The following IDO2 variants were observed in gnomAD, a reference collection of about 807,000 sequenced individuals.
IDO2 encodes indoleamine 2,3-dioxygenase 2.
In IDO2, 46 loss-of-function variants were observed where a neutral mutation model predicts 45.1. That is an observed-to-expected ratio of 1.02 (90% confidence interval 0.80 to 1.30). The LOEUF (loss-of-function observed/expected upper bound fraction) is 1.30. Among genes scored for constraint, IDO2 ranks in the 50% most tolerant of loss-of-function variants. The pLI is 0.00. For synonymous variants in IDO2, 218 were observed against 184.9 expected (o/e 1.18, Z -1.45); for missense variants, 544 against 491.8 (o/e 1.11, Z -1.00).
intron 1 of IDO2, among the ~76,000 whole-genome samples, chr8:39,948,376 T>C (rs1415241611): frequency 6.6e-6 from 1 of 152,228 alleles, no homozygotes; most frequent in Non-Finnish European, 1.5e-5. Flanking sequence ...ATGTAACTTC[T>C]AATTTTGAAG....
chr8:39,987,615 G>T, intron 6 of IDO2: 1 of 361,124 alleles, frequency 2.8e-6, no homozygotes, highest in Non-Finnish European at 5.0e-6. Flanking sequence ...CTGCGGAGAT[G>T]GTCCAGGACC....
In IDO2 at chr8:39,967,847, A is replaced by G. The variant is rs1043434517; in HGVS notation, c.195+4144A>G. ...TTTTTAAAAATCTGGCCATATCAAAATACTGAAGAGGACGTATAGCAATAG... is the reference window on the plus strand; with the variant it reads ...TTTTTAAAAATCTGGCCATATCAAAGTACTGAAGAGGACGTATAGCAATAG... On this transcript the variant is annotated intron_variant, in intron 3 of 10. Transcript: ENST00000502986. Among the ~76,000 whole-genome samples the G allele has an allele frequency of 6.6e-5, 10 of 152,250 alleles. 1 individual carries two copies. The highest frequency in any genetic ancestry group is 2.4e-4 in the African/African-American group (10 of 41,468).
chr8:39,971,910 GCAAGTCTC>G (rs949587171), intron 3 of IDO2, among the ~76,000 whole-genome samples: 6 of 152,042 alleles, frequency 3.9e-5, no homozygotes, highest in Non-Finnish European at 5.9e-5. Flanking sequence ...CCTGGTTCAA[GCAAGTCTC>G]CTGCCTCAGC....
At chr8:39,957,417 GC>G (rs1223938398) in intron 2 of IDO2, among the ~76,000 whole-genome samples, 1 of 152,062 alleles carries the variant, frequency 6.6e-6, no homozygotes, top group Non-Finnish European at 1.5e-5. Flanking sequence ...TTTGAGACCA[GC>G]CTGGGCAACA....
intron 7 of IDO2, among the ~76,000 whole-genome samples, chr8:39,989,158 G>A (rs1392504117): frequency 6.6e-6 from 1 of 152,148 alleles, no homozygotes; most frequent in Non-Finnish European, 1.5e-5. Context: ...CGAGGCAGCA[G>A]GAGAGAGAGC....
At chr8:39,990,737 C>T (rs1808486645) in intron 8 of IDO2, among the ~76,000 whole-genome samples, 1 of 152,200 alleles carries the variant, frequency 6.6e-6, no homozygotes, top group Admixed American at 6.5e-5. Context: ...ATTGCAATGC[C>T]CTATTCCAGA....
intron 1 of IDO2, among the ~76,000 whole-genome samples, chr8:39,948,899 A>G (rs774254455): frequency 1.7e-4 from 26 of 152,078 alleles, no homozygotes; most frequent in African/African-American, 2.7e-4. Flanking sequence ...CTTTTCTCAT[A>G]TTGGTGTGTA....
chr8:39,952,193 T>C (rs1245573045), intron 2 of IDO2, among the ~76,000 whole-genome samples: 1 of 152,164 alleles, frequency 6.6e-6, no homozygotes, highest in Non-Finnish European at 1.5e-5. Flanking sequence ...ACCCAGCCAC[T>C]AAAATCACCA....
intron 3 of IDO2, among the ~76,000 whole-genome samples, chr8:39,968,556 A>G (rs1340959460): frequency 6.6e-6 from 1 of 152,180 alleles, no homozygotes; most frequent in Admixed American, 6.5e-5. Context: ...ACTAGGATGG[A>G]ATGCAGACTG....
At chr8:40,015,965 T>TACAA in exon 11 of IDO2, 1 of 259,392 alleles carries the variant, frequency 3.9e-6, no homozygotes, top group Non-Finnish European at 7.5e-6. Flanking sequence ...TTGATTTTCT[T>TACAA]AAAAAACAAA....
intron 3 of IDO2, among the ~76,000 whole-genome samples, chr8:39,964,887 C>T (rs1158180033): frequency 6.6e-6 from 1 of 152,180 alleles, no homozygotes; most frequent in East Asian, 1.9e-4. Flanking sequence ...TTACAGGACC[C>T]ATGTCAAGGA....
intron 8 of IDO2, among the ~76,000 whole-genome samples, chr8:40,000,540 G>A (rs950618075): frequency 4.6e-5 from 7 of 152,178 alleles, no homozygotes; most frequent in African/African-American, 1.4e-4. Context: ...ATTTCACTAA[G>A]GGTCATTCAC....
At chr8:39,992,246 G>T (rs149692501) in intron 8 of IDO2, among the ~76,000 whole-genome samples, 339 of 152,342 alleles carry the variant, frequency 2.2e-3, no homozygotes, top group African/African-American at 7.8e-3. Flanking sequence ...AAGAGGTGAT[G>T]CAGGTTTAAC....
chr8:39,989,815 C>A (rs1808475111), exon 8 of IDO2: 6 of 1,599,022 alleles, frequency 3.8e-6, no homozygotes, highest in Non-Finnish European at 5.1e-6. Flanking sequence ...CAGGACATCA[C>A]CAAAACCTTA....
rs151289054 is a variant in IDO2 at position 39,961,302 on chromosome 8, C to T, written c.100-2306C>T. 2.4e-3 allele frequency among the ~76,000 whole-genome samples: 356 copies of T among 145,442 alleles called. 14 individuals are homozygous for T. The East Asian group carries it at 0.063, about 26-fold the overall frequency. ...ATATAGGGTTTTTACTGTAGTTATG[C>T]TTTCAAATTGTATACTTCTTTTTTT... On this transcript the variant is annotated intron_variant, in intron 2 of 10. Transcript: ENST00000502986.
At chr8:39,963,813 T>C in intron 3 of IDO2, 110 bp downstream of exon 3, 2 of 620,508 alleles carry the variant, frequency 3.2e-6, no homozygotes, top group East Asian at 5.7e-5. Flanking sequence ...TTCATTACCA[T>C]TGAACTTATC....
intron 3 of IDO2, among the ~76,000 whole-genome samples, chr8:39,970,079 A>AT (rs1808156841): frequency 6.6e-6 from 1 of 152,206 alleles, no homozygotes; most frequent in Non-Finnish European, 1.5e-5. Context: ...TATTGCTGGT[A>AT]TAGAGGAAGT....
chr8:39,985,775 A>C (rs1331744096), intron 6 of IDO2: 3 of 425,036 alleles, frequency 7.1e-6, no homozygotes, highest in Non-Finnish European at 8.4e-6. Context: ...TAAAACAAGT[A>C]ATGTGCAATG....
chr8:39,941,437 A>C (rs13248917), intron 1 of IDO2, among the ~76,000 whole-genome samples: 1 of 151,946 alleles, frequency 6.6e-6, no homozygotes, highest in Non-Finnish European at 1.5e-5. Flanking sequence ...GTCTTGCTAG[A>C]AAGGTGCTTA....
Sources: gnomAD v4.1 joint callset for allele counts (sites outside exome capture counted in the v4.1 genomes callset) on GRCh38, gnomAD v4.1.1 for gene constraint, MANE v1.5 for transcripts, NCBI Gene and HGNC (gene_info 2026-07-23, HGNC 2026-07-21) for gene names.